Variants in PTPRD observed in about 807,000 individuals in gnomAD.
PTPRD encodes the protein protein tyrosine phosphatase receptor type D, also known as receptor-type tyrosine-protein phosphatase delta.
In PTPRD, 34 loss-of-function variants were observed where a neutral mutation model predicts 214.5. The ratio of observed to expected loss-of-function variants is 0.16; its 90% CI spans 0.12 to 0.21. The LOEUF is 0.21. Among genes scored for constraint, PTPRD ranks in the 10% least tolerant of loss-of-function variants. PTPRD has a pLI of 1.00. For missense variants in PTPRD, 2,545 were observed against 2,398.7 expected, an observed-to-expected ratio of 1.06 and a Z score of -1.27; for synonymous variants, 1,128 against 845.7, an observed-to-expected ratio of 1.33 and a Z score of -5.79.
intron 5 of PTPRD, among the ~76,000 whole-genome samples, chr9:9,840,236 A>T (rs762860920): frequency 3.3e-5 from 5 of 151,750 alleles, no homozygotes; most frequent in Non-Finnish European, 5.9e-5. Flanking sequence ...TGGGGTTTTA[A>T]ACTCCTGGCC....
intron 3 of PTPRD, among the ~76,000 whole-genome samples, chr9:10,305,848 G>A (rs545858065): frequency 9.8e-5 from 15 of 152,308 alleles, no homozygotes; most frequent in African/African-American, 3.6e-4. Flanking sequence ...TACAACCATT[G>A]TGGAAGAGAG....
intron 3 of PTPRD, among the ~76,000 whole-genome samples, chr9:10,093,318 C>A (rs977350394): frequency 6.6e-6 from 1 of 151,320 alleles, no homozygotes. Flanking sequence ...AGATGACATA[C>A]AAATGGCCAA....
At chr9:9,612,348 G>C (rs572931414) in intron 7 of PTPRD, among the ~76,000 whole-genome samples, 21 of 152,078 alleles carry the variant, frequency 1.4e-4, no homozygotes, top group African/African-American at 5.1e-4. Context: ...GCCACCCCAC[G>C]ACACAAATCT....
At chr9:10,055,885 G>C (rs1331116977) in intron 3 of PTPRD, among the ~76,000 whole-genome samples, 1 of 151,340 alleles carries the variant, frequency 6.6e-6, no homozygotes, top group African/African-American at 2.4e-5. Flanking sequence ...ATATATAAAT[G>C]TATAATGTAT....
intron 3 of PTPRD, among the ~76,000 whole-genome samples, chr9:10,254,419 G>A (rs1038044199): frequency 2.0e-5 from 3 of 151,752 alleles, no homozygotes; most frequent in Non-Finnish European, 4.4e-5. Flanking sequence ...CACAGTGCAT[G>A]TCCTAGTTTG....
At chr9:9,671,411 G>A (rs998466406) in intron 7 of PTPRD, among the ~76,000 whole-genome samples, 14 of 151,092 alleles carry the variant, frequency 9.3e-5, no homozygotes, top group Admixed American at 9.3e-4. Context: ...ATGAGACTAC[G>A]GACTGTGGAC....
chr9:9,829,157 T>C (rs2053978463), intron 5 of PTPRD, among the ~76,000 whole-genome samples: 1 of 151,924 alleles, frequency 6.6e-6, no homozygotes, highest in Non-Finnish European at 1.5e-5. Context: ...ACGTAGAACA[T>C]TGTATTAAAA....
chr9:9,175,743 A>C (rs554456072), intron 10 of PTPRD, among the ~76,000 whole-genome samples: 4 of 152,018 alleles, frequency 2.6e-5, no homozygotes, highest in Admixed American at 6.6e-5. Flanking sequence ...GTATTACTCC[A>C]TATTTCTACC....
At chr9:8,916,891 C>A (rs2098789757) in intron 11 of PTPRD, among the ~76,000 whole-genome samples, 1 of 152,096 alleles carries the variant, frequency 6.6e-6, no homozygotes, top group Non-Finnish European at 1.5e-5. Flanking sequence ...CTAAATCTTT[C>A]TCATAAAACC....
At chr9:9,540,512 C>T (rs1453326350) in intron 8 of PTPRD, among the ~76,000 whole-genome samples, 1 of 151,672 alleles carries the variant, frequency 6.6e-6, no homozygotes, top group African/African-American at 2.4e-5. Context: ...CTACCTAGCA[C>T]AGGTTGAAAC....
intron 10 of PTPRD, among the ~76,000 whole-genome samples, chr9:9,077,432 C>A (rs1252152779): frequency 6.6e-6 from 1 of 151,854 alleles, no homozygotes; most frequent in African/African-American, 2.4e-5. Flanking sequence ...TGTAGTAAGT[C>A]TTTTCCATTG....
At chr9:9,684,274 C>T (rs896312563) in intron 7 of PTPRD, among the ~76,000 whole-genome samples, 1 of 151,726 alleles carries the variant, frequency 6.6e-6, no homozygotes, top group Non-Finnish European at 1.5e-5. Flanking sequence ...CCTTATTCAA[C>T]ATACCTTTCT....
chr9:8,817,528 G>A (rs1286713400), intron 11 of PTPRD, among the ~76,000 whole-genome samples: 1 of 152,098 alleles, frequency 6.6e-6, no homozygotes, highest in East Asian at 1.9e-4. Flanking sequence ...CTCCTTGGGA[G>A]GCTGAGGTAC....
intron 14 of PTPRD, among the ~76,000 whole-genome samples, chr9:8,605,245 AC>A: frequency 6.6e-6 from 1 of 152,176 alleles, no homozygotes; most frequent in South Asian, 2.1e-4. Flanking sequence ...AGTATATTAA[AC>A]CTGACAATTT....
intron 35 of PTPRD, 52 bp downstream of exon 35, chr9:8,436,540 A>C (rs988346029): frequency 7.2e-7 from 1 of 1,398,424 alleles, no homozygotes; most frequent in African/African-American, 1.4e-5. Context: ...TGGTCAAAAA[A>C]AGAGAAGAGT....
chr9:8,326,469 T>G (rs1404037115), intron 44 of PTPRD, among the ~76,000 whole-genome samples: 5 of 151,366 alleles, frequency 3.3e-5, no homozygotes, highest in Admixed American at 2.0e-4. Flanking sequence ...GGATTCGGTT[T>G]GCCAGTATTT....
intron 12 of PTPRD, among the ~76,000 whole-genome samples, chr9:8,656,351 C>G (rs372024864): frequency 1.3e-5 from 2 of 152,234 alleles, no homozygotes; most frequent in South Asian, 2.1e-4. Context: ...AAGCTGATTC[C>G]ACTTTCAGAG....
In PTPRD at chr9:9,135,365, G is replaced by C. The variant is rs193050825; in HGVS notation, c.-143+47939C>G. 2.3e-3 allele frequency among the ~76,000 whole-genome samples: 344 copies of C among 152,218 alleles called. 2 individuals are homozygous for C. The highest frequency in any genetic ancestry group is 7.8e-3 in the African/African-American group (326 of 41,542). On this transcript the variant is annotated intron_variant, in intron 10 of 45. Transcript: ENST00000381196. ...TTCAGAGAAACATTTAACCTCCCTA[G>C]TTCTGGATTGAATTTTTTGAATAAA...
chr9:8,494,608 C>G (rs760338929), intron 26 of PTPRD, among the ~76,000 whole-genome samples: 1 of 152,200 alleles, frequency 6.6e-6, no homozygotes, highest in Admixed American at 6.5e-5. Context: ...AGCAGCAAGG[C>G]TTGCTTCCAT....
Sources: gnomAD v4.1 joint callset for allele counts (sites outside exome capture counted in the v4.1 genomes callset) on GRCh38, gnomAD v4.1.1 for gene constraint, MANE v1.5 for transcripts, NCBI Gene and HGNC (gene_info 2026-07-23, HGNC 2026-07-21) for gene names.